ASB7: variants seen among roughly 807,000 people sequenced by gnomAD.
ASB7 encodes the protein ankyrin repeat and SOCS box protein 7.
ASB7 carries 4 observed loss-of-function variants against 32.5 expected under a neutral mutation model. That is an observed-to-expected ratio of 0.12 (90% CI 0.06 to 0.28). The LOEUF is 0.28. Among genes scored for constraint, ASB7 ranks in the 10% least tolerant of loss-of-function variants. The probability of loss-of-function intolerance (pLI) is 1.00; values close to 1 mark genes in which losing one functional copy is unlikely to be tolerated. For synonymous variants in ASB7, 172 were observed against 155.6 expected (o/e 1.11, Z -0.78); for missense variants, 181 against 407.1 (o/e 0.44, Z 4.78).
At chr15:100,644,943 A>G (rs1410525142) in intron 5 of ASB7, among the ~76,000 whole-genome samples, 1 of 152,262 alleles carries the variant, frequency 6.6e-6, no homozygotes, top group African/African-American at 2.4e-5. Context: ...TTCTGTTAAG[A>G]GACCACATAG....
At chr15:100,643,504 G>C (rs1434838713) in intron 5 of ASB7, among the ~76,000 whole-genome samples, 1 of 16,326 alleles carries the variant, frequency 6.1e-5, no homozygotes, top group Non-Finnish European at 1.3e-4. Context: ...TTTTTTTTTT[G>C]AGGCAGAGGC....
Position 100,625,300 on chromosome 15 carries a change from G to A in ASB7, c.212-4137G>A, listed in dbSNP as rs143318633. Among the ~76,000 whole-genome samples, 10 of 152,284 alleles carry A rather than the reference G, an allele frequency of 6.6e-5. No individual in the cohort carries two copies. The East Asian group carries it at 1.9e-3, about 29-fold the overall frequency. Reference sequence around the variant, plus strand: ...AGAAAGAAGTCAAACTGTATTTGCAGAGAACATAATTGTGCATGTAGACCC... The same window carrying A: ...AGAAAGAAGTCAAACTGTATTTGCAAAGAACATAATTGTGCATGTAGACCC... On this transcript the variant is annotated intron_variant, in intron 4 of 5. Coordinates refer to ENST00000332783, the MANE Select transcript of ASB7 (RefSeq NM_198243.3).
intron 4 of ASB7, among the ~76,000 whole-genome samples, chr15:100,620,971 A>AT (rs1224124367): frequency 6.6e-6 from 1 of 151,582 alleles, no homozygotes; most frequent in Non-Finnish European, 1.5e-5. Flanking sequence ...GGTGAAACAC[A>AT]TGAAAAAAAG....
intron 4 of ASB7, among the ~76,000 whole-genome samples, chr15:100,628,351 A>G (rs1209827112): frequency 6.6e-6 from 1 of 152,236 alleles, no homozygotes; most frequent in Non-Finnish European, 1.5e-5. Flanking sequence ...TTATTAAACA[A>G]TACGTGAGTT....
chr15:100,615,872 C>T (rs1318655776), intron 4 of ASB7, among the ~76,000 whole-genome samples: 1 of 152,168 alleles, frequency 6.6e-6, no homozygotes, highest in Non-Finnish European at 1.5e-5. Context: ...AATTTATTTA[C>T]ACTTCTTATT....
At chr15:100,609,562 A>G (rs34651563) in intron 2 of ASB7, 145 bp from the exon 3 acceptor site, 1 of 152,148 alleles carries the variant, frequency 6.6e-6, no homozygotes, top group Non-Finnish European at 1.5e-5. Context: ...TATTTTCTGT[A>G]AGAGTTGATC....
At chr15:100,643,695 A>G (rs542650974) in intron 5 of ASB7, among the ~76,000 whole-genome samples, 102 of 150,774 alleles carry the variant, frequency 6.8e-4, no homozygotes, top group African/African-American at 2.3e-3. Context: ...GGGTTTCACC[A>G]TGTTGGCCAG....
chr15:100,604,577 T>G (rs2039623327), intron 2 of ASB7, among the ~76,000 whole-genome samples: 2 of 152,284 alleles, frequency 1.3e-5, no homozygotes, highest in South Asian at 4.1e-4. Context: ...AAGACATAGC[T>G]AAAGAGATAA....
rs2039678023 is a variant in ASB7 at position 100,609,704 on chromosome 15, T to A, written c.-173-3T>A. On this transcript the variant is annotated splice_region_variant and splice_polypyrimidine_tract_variant and intron_variant, in intron 2 of 5. Coordinates refer to ENST00000332783, the MANE Select transcript of ASB7 (RefSeq NM_198243.3). ...TATGATTGTTATTTTTATTTGTTTC[T>A]AGGTTAAGAAGGCTTTTTTGCTCTG... 1.3e-5 allele frequency: 2 copies of A among 152,232 alleles called. No homozygotes were observed. The highest frequency in any genetic ancestry group is 4.8e-5 in the African/African-American group (2 of 41,468). The allele number at this position is 152,232 out of a possible 1,614,324, so 9.4% of individuals were successfully genotyped here.
At chr15:100,624,541 G>T (rs2039821407) in intron 4 of ASB7, among the ~76,000 whole-genome samples, 1 of 152,212 alleles carries the variant, frequency 6.6e-6, no homozygotes, top group South Asian at 2.1e-4. Context: ...GTGCCATTAG[G>T]AAAAATGGAC....
rs116503625 is a variant in ASB7 at position 100,630,980 on chromosome 15, G to A, written c.817+938G>A. Reference sequence around the variant, plus strand: ...ACATCCTGGGTACCAGCTACTAGAGGGCAAGGGCTCTACCTGACCTGCTTG... The same window carrying A: ...ACATCCTGGGTACCAGCTACTAGAGAGCAAGGGCTCTACCTGACCTGCTTG... On this transcript the variant is annotated intron_variant, in intron 5 of 5. Coordinates refer to ENST00000332783, the MANE Select transcript of ASB7 (RefSeq NM_198243.3). Among the ~76,000 whole-genome samples the A allele has an allele frequency of 3.0e-3, 451 of 152,244 alleles. 1 individual carries two copies. Among genetic ancestry groups the A allele is most frequent in the African/African-American group, 0.01 (426 of 41,546 alleles).
At chr15:100,606,254 A>G (rs1395034877) in intron 2 of ASB7, among the ~76,000 whole-genome samples, 1 of 151,942 alleles carries the variant, frequency 6.6e-6, no homozygotes, top group Non-Finnish European at 1.5e-5. Flanking sequence ...TCTTACCAGC[A>G]TGTATTTTTG....
intron 5 of ASB7, among the ~76,000 whole-genome samples, chr15:100,637,906 G>C (rs1227082138): frequency 6.6e-6 from 1 of 151,580 alleles, no homozygotes; most frequent in Non-Finnish European, 1.5e-5. Context: ...ACAGAAAACT[G>C]TAAGAGGTGC....
intron 5 of ASB7, among the ~76,000 whole-genome samples, chr15:100,643,474 C>CTTTTT (rs1345038322): frequency 7.5e-6 from 1 of 132,600 alleles, no homozygotes; most frequent in African/African-American, 2.9e-5. Context: ...TCAGTCCCTT[C>CTTTTT]TTCTTTTTTT....
chr15:100,609,480 A>G (rs770215009), intron 2 of ASB7: 3 of 152,186 alleles, frequency 2.0e-5, no homozygotes, highest in Non-Finnish European at 4.4e-5. Flanking sequence ...CTCTTTCTCA[A>G]ATAGCTGCAT....
rs141987087 is a variant in ASB7 at position 100,616,546 on chromosome 15, T to C, written c.211+4119T>C. Among the ~76,000 whole-genome samples the C allele has an allele frequency of 9.1e-4, 138 of 152,368 alleles. 1 individual carries two copies. In the East Asian group the frequency reaches 0.021, roughly 23 times the overall value. ...CTGGTACAGTTTCACTTTTTTCCCA[T>C]AAAGACAGCCTAAATCATGCCTTCT... On this transcript the variant is annotated intron_variant, in intron 4 of 5. Coordinates refer to ENST00000332783, the MANE Select transcript of ASB7 (RefSeq NM_198243.3).
At chr15:100,639,100 G>A (rs1018037787) in intron 5 of ASB7, among the ~76,000 whole-genome samples, 4 of 152,194 alleles carry the variant, frequency 2.6e-5, no homozygotes, top group Non-Finnish European at 5.9e-5. Context: ...CTTTGGTGGT[G>A]TGTAACAGGG....
chr15:100,614,059 G>C (rs1194250281), intron 4 of ASB7, among the ~76,000 whole-genome samples: 1 of 152,134 alleles, frequency 6.6e-6, no homozygotes, highest in Non-Finnish European at 1.5e-5. Context: ...GATCGCCTGA[G>C]GTCAGGAGTT....
chr15:100,648,627 G>T lies in ASB7; in HGVS notation c.*165G>T. ...TGTTTGGTTGGTTTTCATTGTAGGG[G>T]AGGGATTTTTTATATATATATAAAA... On this transcript the variant is annotated 3_prime_UTR_variant, in exon 6 of 6. Coordinates refer to ENST00000332783, the MANE Select transcript of ASB7 (RefSeq NM_198243.3). 1.9e-6 allele frequency: 1 copy of T among 522,112 alleles called. No individual in the cohort carries two copies. Among genetic ancestry groups the T allele is most frequent in the Non-Finnish European group, 3.3e-6 (1 of 306,936 alleles). 32.3% of individuals were successfully genotyped at this position (522,112 alleles called of 1,614,324 possible). A position where few individuals can be genotyped will look rare whatever the true frequency, so the allele number is the denominator to read the frequency against.
Sources: allele counts gnomAD v4.1 joint callset (sites outside exome capture counted in the v4.1 genomes callset), GRCh38; gene constraint gnomAD v4.1.1; transcripts MANE v1.5; gene names NCBI Gene and HGNC (gene_info 2026-07-23, HGNC 2026-07-21).